Variants in CCDC146 observed in about 807,000 individuals in gnomAD.
CCDC146 encodes the protein coiled-coil domain-containing protein 146.
A neutral mutation model predicts 119.3 loss-of-function variants in CCDC146; 92 were observed. That is an observed-to-expected ratio of 0.77 (90% CI 0.65 to 0.92). CCDC146 has a LOEUF of 0.92. Ranked by LOEUF, CCDC146 falls within the 40% of genes least tolerant of loss-of-function variation. The pLI is 0.00. For synonymous variants in CCDC146, 372 were observed against 371.8 expected, an observed-to-expected ratio of 1.00 and a Z score of -0.01; for missense variants, 1,000 against 1,103.0, an observed-to-expected ratio of 0.91 and a Z score of 1.32.
At chr7:77,217,351 T>C (rs199997303) in intron 2 of CCDC146, among the ~76,000 whole-genome samples, 1 of 150,222 alleles carries the variant, frequency 6.7e-6, no homozygotes, top group South Asian at 2.1e-4. Flanking sequence ...CACACACACA[T>C]ATGTATATAT....
chr7:77,289,249 C>T (rs1046137593), intron 17 of CCDC146, among the ~76,000 whole-genome samples: 6 of 152,206 alleles, frequency 3.9e-5, no homozygotes, highest in Admixed American at 3.9e-4. Flanking sequence ...TGAGGCCTGA[C>T]TTATCAAAGC....
At chr7:77,279,138 T>G (rs760221967) in intron 13 of CCDC146, 37 bp downstream of exon 13, 3 of 1,589,104 alleles carry the variant, frequency 1.9e-6, no homozygotes, top group African/African-American at 2.7e-5. Flanking sequence ...TTCAAAGGCT[T>G]GTTTTCTGAT....
Position 77,236,819 on chromosome 7 carries a change from C to T in CCDC146, c.157-128C>T, listed in dbSNP as rs1039653533. 4 of 683,788 alleles carry T rather than the reference C, an allele frequency of 5.8e-6. No homozygotes were observed. The Admixed American group carries it at 9.9e-5, about 17-fold the overall frequency. The allele number at this position is 683,788 out of a possible 1,614,324, so 42.4% of individuals were successfully genotyped here. On this transcript the variant is annotated intron_variant, in intron 2 of 18. Transcript: ENST00000285871. Reference sequence around the variant, plus strand: ...AAACACCTGGCATGTTTCCAGTACACTACATTGCCTCGTGTATCCTCTAAT... The same window carrying T: ...AAACACCTGGCATGTTTCCAGTACATTACATTGCCTCGTGTATCCTCTAAT...
intron 13 of CCDC146, among the ~76,000 whole-genome samples, 195 bp downstream of exon 13, chr7:77,279,296 T>C (rs1322238222): frequency 6.6e-6 from 1 of 152,056 alleles, no homozygotes. Context: ...ATAAAAAGAA[T>C]AGTATTTTAG....
chr7:77,228,329 G>A (rs1449628275), intron 2 of CCDC146, among the ~76,000 whole-genome samples: 1 of 151,976 alleles, frequency 6.6e-6, no homozygotes, highest in East Asian at 1.9e-4. Flanking sequence ...CCTCTGACAG[G>A]CCCCAGTGTG....
At chr7:77,188,059 T>G (rs929397978) in intron 2 of CCDC146, among the ~76,000 whole-genome samples, 6 of 152,350 alleles carry the variant, frequency 3.9e-5, no homozygotes, top group African/African-American at 1.2e-4. Context: ...TTTCTGTACC[T>G]CGCTTCCGAT....
At chr7:77,162,002 G>A (rs2117470522) in intron 1 of CCDC146, among the ~76,000 whole-genome samples, 1 of 152,078 alleles carries the variant, frequency 6.6e-6, no homozygotes, top group Non-Finnish European at 1.5e-5. Flanking sequence ...GATTATTTGA[G>A]TTGTTGCTAT....
At position 77,261,564 on chromosome 7, in the gene CCDC146, G is replaced by A. The variant is rs1470266164; in HGVS notation, c.987-557G>A. Among the ~76,000 whole-genome samples the A allele has an allele frequency of 8.5e-5, 13 of 152,198 alleles. No homozygotes were observed. In the East Asian group the frequency reaches 9.7e-4, roughly 11 times the overall value. ...GCAATCTCGGCTCACTGCAAGCTCC[G>A]CTTCCCGGGTTCACGCCATTCTCCT... On this transcript the variant is annotated intron_variant, in intron 8 of 18. Transcript: ENST00000285871.
intron 9 of CCDC146, among the ~76,000 whole-genome samples, chr7:77,263,799 C>A (rs1793349182): frequency 6.6e-6 from 1 of 152,042 alleles, no homozygotes; most frequent in East Asian, 1.9e-4. Flanking sequence ...TGGTGCACAC[C>A]CATGATCCCA....
intron 2 of CCDC146, among the ~76,000 whole-genome samples, chr7:77,230,469 GATATA>G (rs1562840850): frequency 6.7e-6 from 1 of 149,686 alleles, no homozygotes; most frequent in African/African-American, 2.5e-5. Context: ...ATTTTTGATG[GATATA>G]GGATTCTTGG....
intron 2 of CCDC146, among the ~76,000 whole-genome samples, chr7:77,220,018 C>T (rs1792372275): frequency 6.6e-6 from 1 of 152,172 alleles, no homozygotes; most frequent in Non-Finnish European, 1.5e-5. Context: ...AACATCTTAA[C>T]AGGAAACAGG....
chr7:77,171,547 C>G (rs992700198), intron 2 of CCDC146, among the ~76,000 whole-genome samples: 3 of 152,164 alleles, frequency 2.0e-5, no homozygotes, highest in African/African-American at 7.2e-5. Flanking sequence ...TCTGCGCTCC[C>G]CATCAGTACC....
intron 2 of CCDC146, among the ~76,000 whole-genome samples, chr7:77,205,699 C>T (rs1476439226): frequency 3.9e-5 from 6 of 152,182 alleles, no homozygotes; most frequent in African/African-American, 7.2e-5. Flanking sequence ...GCAGAGGTTG[C>T]GTGAGCTAAG....
intron 4 of CCDC146, chr7:77,246,514 A>C (rs3114308): frequency 0.74 from 113,098 of 152,124 alleles, 46,190 homozygotes; most frequent in Non-Finnish European, 0.9. Context: ...TTAAGTTTTA[A>C]TGCAAGTTTG....
chr7:77,159,583 T>A (rs1359338377), intron 1 of CCDC146, among the ~76,000 whole-genome samples: 2 of 152,244 alleles, frequency 1.3e-5, no homozygotes, highest in African/African-American at 4.8e-5. Context: ...TAAATAGTGA[T>A]GAAATGAACG....
At chr7:77,162,420 C>T (rs186247222) in intron 1 of CCDC146, among the ~76,000 whole-genome samples, 15 of 152,334 alleles carry the variant, frequency 9.8e-5, no homozygotes, top group Non-Finnish European at 2.1e-4. Context: ...GCATTCTTGA[C>T]ATCCATGCCA....
intron 2 of CCDC146, among the ~76,000 whole-genome samples, chr7:77,217,484 G>A (rs544446285): frequency 9.9e-5 from 15 of 151,440 alleles, no homozygotes; most frequent in Non-Finnish European, 2.2e-4. Flanking sequence ...ACATATATGT[G>A]GAAAATGTCA....
At chr7:77,197,020 G>T in intron 2 of CCDC146, 1 of 1,289,692 alleles carries the variant, frequency 7.8e-7, no homozygotes, top group Non-Finnish European at 1.1e-6. Context: ...ATTGGATCTT[G>T]TTAATAGAAA....
intron 2 of CCDC146, among the ~76,000 whole-genome samples, chr7:77,188,729 A>G (rs1184787389): frequency 6.6e-6 from 1 of 152,188 alleles, no homozygotes; most frequent in Non-Finnish European, 1.5e-5. Flanking sequence ...CACCATGATG[A>G]TTTTTTAAGA....
Sources: allele counts gnomAD v4.1 joint callset (sites outside exome capture counted in the v4.1 genomes callset), GRCh38; gene constraint gnomAD v4.1.1; transcripts MANE v1.5; gene names NCBI Gene and HGNC (gene_info 2026-07-23, HGNC 2026-07-21).